The following LRRC8B variants were observed in gnomAD, a reference collection of about 807,000 sequenced individuals.
LRRC8B encodes the protein leucine rich repeat containing 8 VRAC subunit B.
LRRC8B carries 23 observed loss-of-function variants against 58.8 expected under a neutral mutation model. The observed-to-expected ratio is 0.39, with a 90% CI of 0.28 to 0.55. LRRC8B has a LOEUF of 0.55. Ranked by LOEUF, LRRC8B falls within the 20% of genes least tolerant of loss-of-function variation. The probability of loss-of-function intolerance (pLI) is 0.62; values close to 1 mark genes in which losing one functional copy is unlikely to be tolerated. For synonymous variants in LRRC8B, 359 were observed against 374.1 expected (o/e 0.96, Z 0.47); for missense variants, 694 against 936.0 (o/e 0.74, Z 3.37).
intron 5 of LRRC8B, among the ~76,000 whole-genome samples, chr1:89,590,897 A>T (rs887201833): frequency 2.0e-5 from 3 of 152,260 alleles, no homozygotes; most frequent in African/African-American, 7.2e-5. Context: ...CTCCCAAGAG[A>T]CATTTGTCTG....
intron 1 of LRRC8B, among the ~76,000 whole-genome samples, chr1:89,549,653 G>C (rs1428878968): frequency 6.6e-6 from 1 of 152,152 alleles, no homozygotes; most frequent in Middle Eastern, 3.4e-3. Flanking sequence ...TGCATATGTG[G>C]GTGTTTTCGA....
intron 4 of LRRC8B, among the ~76,000 whole-genome samples, chr1:89,580,594 T>C (rs1267142218): frequency 1.3e-5 from 2 of 152,136 alleles, no homozygotes; most frequent in African/African-American, 4.8e-5. Context: ...CCTCTCATTT[T>C]AGTTTCTGTC....
At chr1:89,570,676 T>A (rs1415132388) in intron 3 of LRRC8B, among the ~76,000 whole-genome samples, 1 of 152,250 alleles carries the variant, frequency 6.6e-6, no homozygotes, top group Non-Finnish European at 1.5e-5. Flanking sequence ...CTGTTTACTC[T>A]GTTGATAGCT....
At position 89,548,098 on chromosome 1, in the gene LRRC8B, G is replaced by A. The variant is rs559522951; in HGVS notation, c.-240-20149G>A. Among the ~76,000 whole-genome samples the A allele has an allele frequency of 2.0e-5, 3 of 152,222 alleles. No individual in the cohort carries two copies. In the South Asian group the frequency reaches 6.2e-4, roughly 32 times the overall value. On this transcript the variant is annotated intron_variant, in intron 1 of 5. Coordinates refer to ENST00000330947, the MANE Select transcript of LRRC8B (RefSeq NM_001369817.2). ...AATTATTGGCCTATGAATTAAATTA[G>A]TCCTAATCCAAATGATTTTAAAAGT... is the stretch of plus-strand genomic sequence containing the variant.
intron 1 of LRRC8B, among the ~76,000 whole-genome samples, chr1:89,528,611 T>G (rs12723409): frequency 0.23 from 35,070 of 152,184 alleles, 4,523 homozygotes; most frequent in Admixed American, 0.34. Flanking sequence ...CAATGGCTTA[T>G]TCAAAATGAT....
rs749500429 is a variant in LRRC8B, at chr1:89,583,806, A to G, written c.1156A>G (p.Ile386Val). Reference protein sequence around the residue: ...YDPLYSKRFSIFLSEVSENKL... With the variant: ...YDPLYSKRFSVFLSEVSENKL... ...TCCTCTTTATTCCAAACGCTTCTCC[A>G]TATTCCTATCAGAGGTCAGTGAGAA... Residue 386 changes from isoleucine (I) to valine (V), a missense_variant, in exon 5 of 6, where the codon ATA (isoleucine) becomes GTA (valine). Transcript: ENST00000330947. This position sits in a 1 kb window ranked among gnomAD's most constrained non-coding sequence, Gnocchi z 5.2. 1.1e-5 allele frequency: 17 copies of G among 1,614,108 alleles called. No individual in the cohort carries two copies. Among genetic ancestry groups the G allele is most frequent in the Non-Finnish European group, 1.4e-5 (16 of 1,180,050 alleles).
intron 1 of LRRC8B, among the ~76,000 whole-genome samples, chr1:89,540,583 C>T (rs1289737162): frequency 2.6e-5 from 4 of 152,182 alleles, no homozygotes; most frequent in African/African-American, 9.6e-5. Context: ...TTGGAACAGC[C>T]AGTGCTGACC....
intron 1 of LRRC8B, among the ~76,000 whole-genome samples, chr1:89,547,473 G>A (rs1364025478): frequency 1.3e-5 from 2 of 152,126 alleles, no homozygotes; most frequent in African/African-American, 2.4e-5. Flanking sequence ...CTTTGTGTAT[G>A]TTTAAAATTT....
At chr1:89,540,494 C>T (rs1650877202) in intron 1 of LRRC8B, among the ~76,000 whole-genome samples, 1 of 152,214 alleles carries the variant, frequency 6.6e-6, no homozygotes, top group Non-Finnish European at 1.5e-5. Flanking sequence ...AAAAAACCCA[C>T]ACAGTGTAAC....
In LRRC8B at chr1:89,540,727, T is replaced by G. The variant is rs114274423; in HGVS notation, c.-241+15705T>G. Among the ~76,000 whole-genome samples, 1,214 of 152,272 alleles carry G rather than the reference T, an allele frequency of 8.0e-3. 9 individuals carry two copies. Among genetic ancestry groups the G allele is most frequent in the Middle Eastern group, 0.014 (4 of 294 alleles). Reference sequence around the variant, plus strand: ...ATTATATCAGATTAGTTTTGGGAAGTAACACTGGCAACTGTGTGGAGGGTG... The same window carrying G: ...ATTATATCAGATTAGTTTTGGGAAGGAACACTGGCAACTGTGTGGAGGGTG... On this transcript the variant is annotated intron_variant, in intron 1 of 5. Transcript: ENST00000330947.
chr1:89,592,901 G>T lies in LRRC8B; in HGVS notation c.2270G>T (p.Gly757Val). ...LSNLTHLELIGNYLETLPPEL... is the reference protein window; with the variant it reads ...LSNLTHLELIVNYLETLPPEL... ...AACCTTACTCATCTGGAGCTCATTG[G>T]TAATTACCTGGAAACACTTCCTCCT... is the stretch of plus-strand genomic sequence containing the variant. The change falls in exon 6 of 6, where the codon GGT (glycine) becomes GTT (valine). Residue 757 changes from glycine to valine, a missense_variant. Gly to Val is a moderately radical substitution (Grantham distance 109, BLOSUM62 -3). This residue lies in a region of LRRC8B where 139 missense variants were observed against 158.2 expected (regional missense o/e 0.88). Coordinates refer to ENST00000330947, the MANE Select transcript of LRRC8B (RefSeq NM_001369817.2). 1 of 1,614,084 alleles carries T rather than the reference G, an allele frequency of 6.2e-7. No individual in the cohort carries two copies. Among genetic ancestry groups the T allele is most frequent in the African/African-American group, 1.3e-5 (1 of 75,004 alleles).
At position 89,584,081 on chromosome 1, in the gene LRRC8B, A is replaced by G; in HGVS notation, c.1431A>G (p.Val477=). The change falls in exon 5 of 6, where the codon GTA becomes GTG. Residue 477 remains valine (V), a synonymous_variant. Coordinates refer to ENST00000330947, the MANE Select transcript of LRRC8B (RefSeq NM_001369817.2). ...GTGTGTACCATTCATCTCTGGTCGT[A>G]GACCATCCTGCACTGGCCTTTCTAG... The part of the protein sequence containing the change: ...ELRVYHSSLV[V]DHPALAFLEE... 1 of 1,614,120 alleles carries G rather than the reference A, an allele frequency of 6.2e-7. No individual in the cohort carries two copies. Among genetic ancestry groups the G allele is most frequent in the Non-Finnish European group, 8.5e-7 (1 of 1,180,016 alleles).
rs1458583569 is a variant in LRRC8B, at chr1:89,597,399, C to T, written c.*4356C>T. 1 of 152,204 alleles carries T rather than the reference C, an allele frequency of 6.6e-6. No homozygotes were observed. The highest frequency in any genetic ancestry group is 1.5e-5 in the Non-Finnish European group (1 of 68,030). 9.4% of individuals were successfully genotyped at this position (152,204 alleles called of 1,614,324 possible). ...TTATGAATGCCTTCTGCATGTTGTA[C>T]ATTATCTCTAACAGAGATGGTGCAA... On this transcript the variant is annotated 3_prime_UTR_variant, in exon 6 of 6. Transcript: ENST00000330947.
At chr1:89,561,150 T>C (rs1652617368) in intron 1 of LRRC8B, among the ~76,000 whole-genome samples, 1 of 151,960 alleles carries the variant, frequency 6.6e-6, no homozygotes, top group Non-Finnish European at 1.5e-5. Context: ...ATGATGAGCA[T>C]TTTTTCATGT....
intron 1 of LRRC8B, among the ~76,000 whole-genome samples, chr1:89,546,246 G>A (rs1017016936): frequency 1.3e-5 from 2 of 152,166 alleles, no homozygotes; most frequent in African/African-American, 4.8e-5. Flanking sequence ...GTGAGTGCTA[G>A]TAGGCACTGG....
chr1:89,562,721 T>A (rs1570605961), intron 1 of LRRC8B, among the ~76,000 whole-genome samples: 1 of 152,106 alleles, frequency 6.6e-6, no homozygotes, highest in African/African-American at 2.4e-5. Context: ...CTTCCCATCT[T>A]GAGCTCCTAA....
chr1:89,556,231 C>G (rs936022790), intron 1 of LRRC8B, among the ~76,000 whole-genome samples: 2 of 152,124 alleles, frequency 1.3e-5, no homozygotes, highest in African/African-American at 4.8e-5. Flanking sequence ...GTGAACACAT[C>G]GAAGTGCTGG....
chr1:89,581,494 CAT>C (rs958424905), intron 4 of LRRC8B, among the ~76,000 whole-genome samples: 1 of 152,168 alleles, frequency 6.6e-6, no homozygotes, highest in Admixed American at 6.5e-5. Flanking sequence ...CTAAGACCCA[CAT>C]ATTTCCTTTT....
intron 1 of LRRC8B, chr1:89,527,025 A>G (rs970380104): frequency 3.3e-5 from 5 of 152,234 alleles, no homozygotes; most frequent in Admixed American, 2.0e-4. Flanking sequence ...AACTTAAAGG[A>G]TACTAAGCCT....
Sources: gnomAD v4.1 joint callset for allele counts (sites outside exome capture counted in the v4.1 genomes callset) on GRCh38, gnomAD v4.1.1 for gene constraint, gnomAD v4.1.1 regional missense constraint, Gnocchi (gnomAD v3.1) non-coding constraint, MANE v1.5 for transcripts, NCBI Gene and HGNC (gene_info 2026-07-23, HGNC 2026-07-21) for gene names.